Variants in SPOCK1 observed in about 807,000 individuals in gnomAD.
SPOCK1 encodes the protein testican-1.
SPOCK1 carries 23 observed loss-of-function variants against 55.3 expected under a neutral mutation model. That is an observed-to-expected ratio of 0.42 (90% CI 0.30 to 0.59). SPOCK1 has a LOEUF of 0.59. Among genes scored for constraint, SPOCK1 ranks in the 20% least tolerant of loss-of-function variants. The pLI, the probability that SPOCK1 is intolerant of heterozygous loss-of-function variation, is 0.22. For missense variants in SPOCK1, 499 were observed against 552.5 expected, an observed-to-expected ratio of 0.90 and a Z score of 0.97; for synonymous variants, 226 against 221.0, an observed-to-expected ratio of 1.02 and a Z score of -0.20.
intron 2 of SPOCK1, among the ~76,000 whole-genome samples, chr5:137,298,508 A>C (rs1757529993): frequency 6.6e-6 from 1 of 152,222 alleles, no homozygotes; most frequent in Non-Finnish European, 1.5e-5. Flanking sequence ...AATTAGGTCA[A>C]GATGGTTGAT....
At chr5:137,116,220 A>C (rs1291421470) in intron 4 of SPOCK1, among the ~76,000 whole-genome samples, 1 of 152,232 alleles carries the variant, frequency 6.6e-6, no homozygotes, top group Non-Finnish European at 1.5e-5. Context: ...GGCATTTCCT[A>C]TTCCTTTTTG....
At chr5:137,249,708 A>C (rs1192149880) in intron 3 of SPOCK1, among the ~76,000 whole-genome samples, 1 of 152,240 alleles carries the variant, frequency 6.6e-6, no homozygotes, top group African/African-American at 2.4e-5. Context: ...TTACAATTCC[A>C]AGCTGTCAGT....
intron 2 of SPOCK1, among the ~76,000 whole-genome samples, chr5:137,421,368 C>T (rs1193785776): frequency 5.3e-5 from 8 of 152,240 alleles, no homozygotes; most frequent in African/African-American, 9.6e-5. Flanking sequence ...CTTTCTGTCT[C>T]GTTGATCTGT....
chr5:137,418,548 A>G (rs1229713), intron 2 of SPOCK1, among the ~76,000 whole-genome samples: 1 of 151,950 alleles, frequency 6.6e-6, no homozygotes, highest in South Asian at 2.1e-4. Context: ...CATTTCTCTG[A>G]TGGCCACTGA....
intron 5 of SPOCK1, among the ~76,000 whole-genome samples, chr5:137,105,470 C>T (rs1753346230): frequency 6.6e-6 from 1 of 152,146 alleles, no homozygotes; most frequent in African/African-American, 2.4e-5. Context: ...CCTTGGGAGA[C>T]AGAGAAGTCA....
intron 2 of SPOCK1, among the ~76,000 whole-genome samples, chr5:137,422,899 T>C (rs1171353330): frequency 1.3e-5 from 2 of 152,036 alleles, no homozygotes; most frequent in Admixed American, 1.3e-4. Flanking sequence ...CTCTGTTTTT[T>C]CCCCATCTTT....
intron 2 of SPOCK1, among the ~76,000 whole-genome samples, chr5:137,377,900 C>T (rs1751356715): frequency 6.7e-6 from 1 of 149,340 alleles, no homozygotes; most frequent in South Asian, 2.1e-4. Context: ...AAATGCAAAG[C>T]AGGAGACAGA....
intron 2 of SPOCK1, among the ~76,000 whole-genome samples, chr5:137,292,646 T>C (rs1439748258): frequency 1.3e-5 from 2 of 152,136 alleles, no homozygotes; most frequent in African/African-American, 2.4e-5. Flanking sequence ...TACAGCGTAA[T>C]GCACTGACGC....
intron 2 of SPOCK1, among the ~76,000 whole-genome samples, chr5:137,414,589 G>T (rs1271066773): frequency 6.6e-6 from 1 of 152,114 alleles, no homozygotes; most frequent in Non-Finnish European, 1.5e-5. Context: ...CTTGCTGGGG[G>T]CGAAACATTG....
intron 5 of SPOCK1, among the ~76,000 whole-genome samples, chr5:137,100,428 G>A (rs1285178074): frequency 1.3e-5 from 2 of 152,190 alleles, no homozygotes; most frequent in African/African-American, 4.8e-5. Flanking sequence ...AGCAGAAAAT[G>A]GTAGAAGACA....
chr5:137,276,461 C>T (rs549344393), intron 2 of SPOCK1, among the ~76,000 whole-genome samples: 20 of 152,360 alleles, frequency 1.3e-4, no homozygotes, highest in African/African-American at 4.3e-4. Context: ...GCTGGCTACT[C>T]CTCTGCAACT....
chr5:137,358,910 A>G (rs1750881857), intron 2 of SPOCK1, among the ~76,000 whole-genome samples: 1 of 152,216 alleles, frequency 6.6e-6, no homozygotes, highest in South Asian at 2.1e-4. Context: ...CCAATTTAAT[A>G]GGCACTTTTG....
intron 3 of SPOCK1, among the ~76,000 whole-genome samples, chr5:137,181,243 T>C (rs1463696091): frequency 6.6e-6 from 1 of 151,762 alleles, no homozygotes; most frequent in East Asian, 1.9e-4. Flanking sequence ...GAGAGGAAGG[T>C]GGAGGGGTGG....
At chr5:137,085,348 C>G (rs893306298) in intron 5 of SPOCK1, among the ~76,000 whole-genome samples, 3 of 152,184 alleles carry the variant, frequency 2.0e-5, no homozygotes, top group African/African-American at 7.2e-5. Context: ...AACCACAGCT[C>G]TGAGGCATTT....
At position 137,375,390 on chromosome 5, in the gene SPOCK1, A is replaced by G. The variant is rs535953987; in HGVS notation, c.187-108335T>C. Among the ~76,000 whole-genome samples, 7 of 152,322 alleles carry G rather than the reference A, an allele frequency of 4.6e-5. No homozygotes were observed. In the East Asian group the frequency reaches 1.3e-3, roughly 29 times the overall value. The stretch of plus-strand genomic sequence containing the variant: ...AAACAGGCAAAATGAACAGTTGGTG[A>G]TAAGTTAGAACTGTCATTACCCTTG... On this transcript the variant is annotated intron_variant, in intron 2 of 10. Coordinates refer to ENST00000394945, the MANE Select transcript of SPOCK1 (RefSeq NM_004598.4).
intron 2 of SPOCK1, among the ~76,000 whole-genome samples, chr5:137,471,900 C>A (rs915373024): frequency 1.3e-5 from 2 of 152,132 alleles, no homozygotes; most frequent in African/African-American, 4.8e-5. Context: ...AATCACATGC[C>A]CATGGGACCT....
At chr5:137,300,966 A>G (rs1433910547) in intron 2 of SPOCK1, among the ~76,000 whole-genome samples, 1 of 152,032 alleles carries the variant, frequency 6.6e-6, no homozygotes, top group Non-Finnish European at 1.5e-5. Context: ...TTTTTCCTCA[A>G]AGAGAAGAGG....
chr5:137,308,511 G>A (rs1757737118), intron 2 of SPOCK1, among the ~76,000 whole-genome samples: 1 of 152,192 alleles, frequency 6.6e-6, no homozygotes, highest in Non-Finnish European at 1.5e-5. Flanking sequence ...GCAGTGCCAT[G>A]CATCTCTTCC....
chr5:137,000,702 T>C (rs887047449), intron 6 of SPOCK1, among the ~76,000 whole-genome samples: 10 of 152,228 alleles, frequency 6.6e-5, no homozygotes, highest in Admixed American at 1.3e-4. Flanking sequence ...AGATTGATTC[T>C]GCTTAGCACA....
Sources: allele counts gnomAD v4.1 joint callset (sites outside exome capture counted in the v4.1 genomes callset), GRCh38; gene constraint gnomAD v4.1.1; transcripts MANE v1.5; gene names NCBI Gene and HGNC (gene_info 2026-07-23, HGNC 2026-07-21).